The following TMEM108 variants were observed in gnomAD, a reference collection of about 807,000 sequenced individuals.
TMEM108 encodes transmembrane protein 108.
A neutral mutation model predicts 35.1 loss-of-function variants in TMEM108; 12 were observed. The observed-to-expected ratio is 0.34, with a 90% CI of 0.22 to 0.55. The LOEUF is 0.55. Ranked by LOEUF, TMEM108 falls within the 20% of genes least tolerant of loss-of-function variation. The pLI, the probability that TMEM108 is intolerant of heterozygous loss-of-function variation, is 0.89. For synonymous variants in TMEM108, 287 were observed against 308.6 expected (o/e 0.93, Z 0.73); for missense variants, 680 against 753.3 (o/e 0.90, Z 1.14).
intron 2 of TMEM108, among the ~76,000 whole-genome samples, chr3:133,202,882 C>A (rs1945691795): frequency 6.6e-6 from 1 of 152,082 alleles, no homozygotes; most frequent in Admixed American, 6.6e-5. Context: ...TTACTTTTGG[C>A]AGTATGGCCA....
At chr3:133,167,190 A>G (rs1210388985) in intron 2 of TMEM108, among the ~76,000 whole-genome samples, 1 of 152,254 alleles carries the variant, frequency 6.6e-6, no homozygotes, top group African/African-American at 2.4e-5. Flanking sequence ...TGAGCTAGAC[A>G]CAGAGTGCTG....
At chr3:133,093,318 T>G (rs950949351) in intron 2 of TMEM108, among the ~76,000 whole-genome samples, 1 of 152,198 alleles carries the variant, frequency 6.6e-6, no homozygotes, top group African/African-American at 2.4e-5. Context: ...AAGTTAGAAC[T>G]GAAGTCCCAC....
chr3:133,367,560 T>C (rs2072536843), intron 3 of TMEM108, among the ~76,000 whole-genome samples: 1 of 152,250 alleles, frequency 6.6e-6, no homozygotes, highest in Non-Finnish European at 1.5e-5. Flanking sequence ...GCTGTTTCGT[T>C]CCAGGCAAAC....
chr3:133,254,126 C>A (rs1946511217), intron 3 of TMEM108, among the ~76,000 whole-genome samples: 3 of 152,092 alleles, frequency 2.0e-5, no homozygotes, highest in Admixed American at 2.0e-4. Context: ...TCCCTTGAGG[C>A]CAGGAGTTCA....
At chr3:133,204,264 AT>A (rs199778088) in intron 2 of TMEM108, among the ~76,000 whole-genome samples, 23 of 148,928 alleles carry the variant, frequency 1.5e-4, no homozygotes, top group African/African-American at 3.0e-4. Flanking sequence ...GGATTCATTG[AT>A]TTTTTTTTGA....
At chr3:133,354,683 C>G (rs2072108584) in intron 3 of TMEM108, among the ~76,000 whole-genome samples, 1 of 152,018 alleles carries the variant, frequency 6.6e-6, no homozygotes, top group Non-Finnish European at 1.5e-5. Context: ...ATCATGCACC[C>G]CCTCCCCCAT....
At chr3:133,154,198 C>G (rs1366675496) in intron 2 of TMEM108, among the ~76,000 whole-genome samples, 1 of 151,886 alleles carries the variant, frequency 6.6e-6, no homozygotes, top group Non-Finnish European at 1.5e-5. Context: ...AGCCCTTTGT[C>G]AGATGAGTAG....
rs1325237385 is a variant in TMEM108, at chr3:133,380,746, T to C, written c.1035T>C (p.Pro345=). Residue 345 remains proline, a synonymous_variant, in exon 4 of 6, where the codon CCT becomes CCC. Coordinates refer to ENST00000321871, the MANE Select transcript of TMEM108 (RefSeq NM_023943.4). The surrounding 1 kb of genome is among the most constrained non-coding windows in gnomAD (Gnocchi z 5.3). ...WLTVTPGTSR[P]LSTSSGVFTA... ...CTGTTACCCCTGGCACCAGCAGACC[T>C]CTGTCTACCAGCTCTGGGGTCTTCA... 1.2e-6 allele frequency: 2 copies of C among 1,613,974 alleles called. No homozygotes were observed. The highest frequency in any genetic ancestry group is 1.7e-6 in the Non-Finnish European group (2 of 1,180,008).
chr3:133,379,535 GTC>G (rs1338171170), intron 3 of TMEM108, among the ~76,000 whole-genome samples: 3 of 152,116 alleles, frequency 2.0e-5, no homozygotes, highest in Non-Finnish European at 2.9e-5. Flanking sequence ...CCTGGTGCTG[GTC>G]TCTCTTTCCA....
intron 2 of TMEM108, among the ~76,000 whole-genome samples, chr3:133,197,718 A>G (rs1945599997): frequency 6.6e-6 from 1 of 152,186 alleles, no homozygotes; most frequent in Non-Finnish European, 1.5e-5. Flanking sequence ...TGAAGGCTGT[A>G]TGGAACTGTG....
intron 3 of TMEM108, among the ~76,000 whole-genome samples, chr3:133,292,884 A>G (rs188098103): frequency 6.6e-6 from 1 of 152,318 alleles, no homozygotes; most frequent in African/African-American, 2.4e-5. Context: ...CTTAAGCCAA[A>G]TAACTGGCCA....
chr3:133,272,590 C>T (rs1367277202), intron 3 of TMEM108, among the ~76,000 whole-genome samples: 1 of 152,034 alleles, frequency 6.6e-6, no homozygotes, highest in South Asian at 2.1e-4. Context: ...CCTTGCAGGT[C>T]CCCCCAAGGG....
intron 2 of TMEM108, among the ~76,000 whole-genome samples, chr3:133,066,149 G>A (rs954411899): frequency 2.0e-4 from 30 of 151,488 alleles, no homozygotes; most frequent in African/African-American, 7.3e-4. Context: ...ACTTAGACTC[G>A]TCTTTTCTCT....
intron 2 of TMEM108, among the ~76,000 whole-genome samples, chr3:133,063,349 A>C (rs1277789039): frequency 6.6e-6 from 1 of 152,148 alleles, no homozygotes; most frequent in Non-Finnish European, 1.5e-5. Context: ...TGTGTGAATC[A>C]AAGGTCAGGA....
intron 4 of TMEM108, among the ~76,000 whole-genome samples, chr3:133,384,693 C>T (rs762804122): frequency 7.2e-5 from 11 of 152,206 alleles, no homozygotes; most frequent in African/African-American, 2.2e-4. Context: ...GAAGCCTCCA[C>T]GCCTGGCGCT....
chr3:133,201,778 T>C (rs145463862), intron 2 of TMEM108, among the ~76,000 whole-genome samples: 3 of 152,326 alleles, frequency 2.0e-5, no homozygotes, highest in East Asian at 3.9e-4. Context: ...CATGTGTCTT[T>C]ATAGTAGAAT....
intron 2 of TMEM108, among the ~76,000 whole-genome samples, chr3:133,102,011 T>A (rs913870659): frequency 6.6e-6 from 1 of 152,270 alleles, no homozygotes; most frequent in Non-Finnish European, 1.5e-5. Flanking sequence ...TATCTAGCTT[T>A]ATAGAAGTAC....
At chr3:133,295,473 A>G (rs1392227792) in intron 3 of TMEM108, among the ~76,000 whole-genome samples, 2 of 152,260 alleles carry the variant, frequency 1.3e-5, no homozygotes, top group Non-Finnish European at 1.5e-5. Flanking sequence ...AGTAGTCAGC[A>G]TGAAATGAAA....
chr3:133,306,595 G>A lies in TMEM108; in HGVS notation c.41-73157G>A, dbSNP rs751055866. The stretch of plus-strand genomic sequence containing the variant: ...AGTGTTGTCATTGTTCAGTTCCCAC[G>A]TATGAGTGAGAGCATGCGGTGTTTG... On this transcript the variant is annotated intron_variant, in intron 3 of 5. Transcript: ENST00000321871. Among the ~76,000 whole-genome samples the A allele has an allele frequency of 9.4e-4, 143 of 152,126 alleles. 1 individual carries two copies. Among genetic ancestry groups the A allele is most frequent in the Middle Eastern group, 3.4e-3 (1 of 294 alleles).
Sources: gnomAD v4.1 joint callset for allele counts (sites outside exome capture counted in the v4.1 genomes callset) on GRCh38, gnomAD v4.1.1 for gene constraint, Gnocchi (gnomAD v3.1) non-coding constraint, MANE v1.5 for transcripts, NCBI Gene and HGNC (gene_info 2026-07-23, HGNC 2026-07-21) for gene names.